The following KAZN variants were observed in gnomAD, a reference collection of about 807,000 sequenced individuals.
KAZN encodes kazrin, periplakin interacting protein.
Under a neutral mutation model 87.4 loss-of-function variants are expected in KAZN, and 40 were observed. The observed-to-expected ratio is 0.46, with a 90% CI of 0.36 to 0.60. The LOEUF (loss-of-function observed/expected upper bound fraction) is 0.60, where lower values mean the gene tolerates loss of function less well. KAZN is among the 20% of genes least tolerant of loss of function. The pLI, the probability that KAZN is intolerant of heterozygous loss-of-function variation, is 0.00. For synonymous variants in KAZN, 466 were observed against 458.3 expected, an observed-to-expected ratio of 1.02 and a Z score of -0.22; for missense variants, 898 against 1,073.9, an observed-to-expected ratio of 0.84 and a Z score of 2.29.
chr1:14,074,849 G>A (rs1643389366), intron 1 of KAZN, among the ~76,000 whole-genome samples: 1 of 152,060 alleles, frequency 6.6e-6, no homozygotes. Context: ...CTTCTCTCTG[G>A]GCCTCGATTT....
intron 1 of KAZN, among the ~76,000 whole-genome samples, chr1:14,011,942 T>C (rs1381229537): frequency 3.3e-5 from 5 of 152,084 alleles, no homozygotes; most frequent in Non-Finnish European, 7.4e-5. Flanking sequence ...GGTTCTACCT[T>C]TTAGGGGGTG....
intron 1 of KAZN, among the ~76,000 whole-genome samples, chr1:14,008,543 G>A (rs1489379694): frequency 1.3e-5 from 2 of 152,166 alleles, no homozygotes; most frequent in Non-Finnish European, 2.9e-5. Flanking sequence ...CGAGTACTGG[G>A]GATACAGCTC....
chr1:14,693,486 C>T (rs1039023364), intron 1 of KAZN, among the ~76,000 whole-genome samples: 3 of 152,156 alleles, frequency 2.0e-5, no homozygotes, highest in Admixed American at 6.5e-5. Flanking sequence ...ACTCGTCTTA[C>T]GTTGTTTTAC....
chr1:14,969,958 C>A (rs1664846055), intron 2 of KAZN, among the ~76,000 whole-genome samples: 1 of 151,954 alleles, frequency 6.6e-6, no homozygotes. Flanking sequence ...GGATTACAGG[C>A]GCCCGCCACC....
chr1:14,013,114 T>A (rs1640395475), intron 1 of KAZN, among the ~76,000 whole-genome samples: 1 of 152,176 alleles, frequency 6.6e-6, no homozygotes, highest in African/African-American at 2.4e-5. Context: ...AGTCCACTTT[T>A]CCGGAACCTG....
At chr1:14,543,451 G>A (rs1672938615) in intron 2 of KAZN, among the ~76,000 whole-genome samples, 1 of 152,058 alleles carries the variant, frequency 6.6e-6, no homozygotes, top group African/African-American at 2.4e-5. Context: ...ATCATGCCAG[G>A]GACACATTGG....
At chr1:14,961,600 C>T (rs1663876276) in intron 2 of KAZN, among the ~76,000 whole-genome samples, 1 of 152,170 alleles carries the variant, frequency 6.6e-6, no homozygotes, top group South Asian at 2.1e-4. Flanking sequence ...CAGTGGACTC[C>T]ACAGTGCTTG....
intron 2 of KAZN, among the ~76,000 whole-genome samples, chr1:14,252,188 G>A (rs181043909): frequency 2.0e-5 from 3 of 152,282 alleles, no homozygotes; most frequent in Admixed American, 2.0e-4. Flanking sequence ...AAATTACAGA[G>A]ATCCAGATGT....
At chr1:14,052,824 G>A (rs1182729561) in intron 1 of KAZN, among the ~76,000 whole-genome samples, 1 of 152,214 alleles carries the variant, frequency 6.6e-6, no homozygotes, top group South Asian at 2.1e-4. Flanking sequence ...CTAACAGAGA[G>A]TCCAGGCTTT....
chr1:14,003,977 A>G (rs923370589), intron 1 of KAZN, among the ~76,000 whole-genome samples: 1 of 152,190 alleles, frequency 6.6e-6, no homozygotes, highest in Non-Finnish European at 1.5e-5. Context: ...AATATATTTG[A>G]CAAAAGACTC....
At chr1:14,577,763 T>G (rs1485629990) in intron 2 of KAZN, among the ~76,000 whole-genome samples, 1 of 152,176 alleles carries the variant, frequency 6.6e-6, no homozygotes, top group Non-Finnish European at 1.5e-5. Flanking sequence ...TTCCTGACCA[T>G]TGACAAAGCT....
At chr1:14,759,704 G>A (rs748989070) in intron 1 of KAZN, among the ~76,000 whole-genome samples, 1 of 152,142 alleles carries the variant, frequency 6.6e-6, no homozygotes, top group Non-Finnish European at 1.5e-5. Flanking sequence ...AGCAGAGGAT[G>A]CGATCTGGAG....
chr1:14,338,650 G>A (rs985139368), intron 2 of KAZN, among the ~76,000 whole-genome samples: 1 of 152,160 alleles, frequency 6.6e-6, no homozygotes, highest in East Asian at 1.9e-4. Flanking sequence ...ATGTCTCTGG[G>A]CAAAGCCTGA....
chr1:13,935,892 G>A (rs1008685951), intron 1 of KAZN, among the ~76,000 whole-genome samples: 14 of 138,738 alleles, frequency 1.0e-4, no homozygotes, highest in African/African-American at 2.6e-4. Flanking sequence ...GTGTGTGTGT[G>A]TGTGTGTGTA....
chr1:14,216,343 T>A (rs1472308024), intron 2 of KAZN, among the ~76,000 whole-genome samples: 1 of 152,152 alleles, frequency 6.6e-6, no homozygotes, highest in Non-Finnish European at 1.5e-5. Context: ...AGGAGTGGAA[T>A]GGTCTGGGTT....
At chr1:14,550,739 C>CTCTCTCCCTCTCT (rs1480745409) in intron 2 of KAZN, among the ~76,000 whole-genome samples, 2 of 69,968 alleles carry the variant, frequency 2.9e-5, no homozygotes, top group African/African-American at 8.9e-5. Context: ...CTCTCTCTCT[C>CTCTCTCCCTCTCT]CCCCACCCCG....
chr1:13,974,543 G>A (rs1638224429), intron 1 of KAZN, among the ~76,000 whole-genome samples: 1 of 152,192 alleles, frequency 6.6e-6, no homozygotes, highest in South Asian at 2.1e-4. Context: ...CCTCATAAGA[G>A]ACAAGTATCC....
At chr1:14,323,600 T>G (rs1000561576) in intron 2 of KAZN, among the ~76,000 whole-genome samples, 1 of 152,128 alleles carries the variant, frequency 6.6e-6, no homozygotes, top group Admixed American at 6.5e-5. Flanking sequence ...ATCTTCCTAT[T>G]TGCTCTGTTT....
chr1:14,292,688 G>A lies in KAZN; in HGVS notation c.249+112096G>A, dbSNP rs142753324. 4.4e-3 allele frequency among the ~76,000 whole-genome samples: 664 copies of A among 152,270 alleles called. 6 individuals are homozygous for A. Among genetic ancestry groups the A allele is most frequent in the Non-Finnish European group, 7.5e-3 (509 of 68,006 alleles). ...GGCTCTGGGTGATAAATGTGCTCCC[G>A]CCTCCCCACCTTTCCTTTTTCATCT... On this transcript the variant is annotated intron_variant, in intron 2 of 16. Transcript: ENST00000636203.
Sources: allele counts gnomAD v4.1 joint callset (sites outside exome capture counted in the v4.1 genomes callset), GRCh38; gene constraint gnomAD v4.1.1; transcripts MANE v1.5; gene names NCBI Gene and HGNC (gene_info 2026-07-23, HGNC 2026-07-21).